The following EIF3J variants were observed in gnomAD, a reference collection of about 807,000 sequenced individuals.
EIF3J encodes the protein eukaryotic translation initiation factor 3, subunit 1 (alpha, 35kD).
A neutral mutation model predicts 39.0 loss-of-function variants in EIF3J; 15 were observed. The observed-to-expected ratio is 0.38, with a 90% CI of 0.26 to 0.59. The LOEUF is 0.59. EIF3J is among the 20% of genes least tolerant of loss of function. The probability of loss-of-function intolerance (pLI) is 0.60; values close to 1 mark genes in which losing one functional copy is unlikely to be tolerated. For synonymous variants in EIF3J, 98 were observed against 112.9 expected, an observed-to-expected ratio of 0.87 and a Z score of 0.84; for missense variants, 226 against 308.6, an observed-to-expected ratio of 0.73 and a Z score of 2.00.
chr15:44,541,357 T>G (rs1284511208), intron 2 of EIF3J, among the ~76,000 whole-genome samples: 2 of 152,226 alleles, frequency 1.3e-5, no homozygotes, highest in African/African-American at 4.8e-5. Context: ...GTACAGAGTT[T>G]GCAGAAACTT....
intron 6 of EIF3J, 33 bp from the exon 7 acceptor site, chr15:44,560,216 T>C: frequency 6.4e-7 from 1 of 1,573,860 alleles, no homozygotes; most frequent in Non-Finnish European, 8.6e-7. Context: ...GCTTAAAAAT[T>C]CAAGTTTAAT....
At chr15:44,538,642 C>T (rs1202903389) in intron 2 of EIF3J, among the ~76,000 whole-genome samples, 1 of 152,188 alleles carries the variant, frequency 6.6e-6, no homozygotes. Context: ...GTGAGCTTTG[C>T]ACACATTGAA....
rs543262340 is a variant in EIF3J at position 44,557,773 on chromosome 15, T to C, written c.571+123T>C. 31 of 657,020 alleles carry C rather than the reference T, an allele frequency of 4.7e-5. No individual in the cohort carries two copies. The South Asian group carries it at 1.5e-3, about 32-fold the overall frequency. 40.7% of individuals were successfully genotyped at this position (657,020 alleles called of 1,614,324 possible). The stretch of plus-strand genomic sequence containing the variant: ...ATACAGACTCATGATTTGCTGTTTT[T>C]AGCAATTACCTTGTGAATGTTGTTC... On this transcript the variant is annotated intron_variant, in intron 6 of 7. Transcript: ENST00000261868.
chr15:44,556,238 C>T (rs2082143365), intron 5 of EIF3J, among the ~76,000 whole-genome samples: 2 of 152,332 alleles, frequency 1.3e-5, no homozygotes, highest in African/African-American at 4.8e-5. Flanking sequence ...CAAATACTTT[C>T]ACAGGATCCA....
At chr15:44,543,239 C>G (rs970654076) in intron 2 of EIF3J, among the ~76,000 whole-genome samples, 2 of 152,116 alleles carry the variant, frequency 1.3e-5, no homozygotes, top group South Asian at 4.1e-4. Context: ...TGACCAGTCT[C>G]TTTTTGCTGA....
chr15:44,557,335 G>C (rs1302715270), intron 5 of EIF3J, among the ~76,000 whole-genome samples, 154 bp from the exon 6 acceptor site: 1 of 151,886 alleles, frequency 6.6e-6, no homozygotes, highest in Non-Finnish European at 1.5e-5. Context: ...CCCTCACCCA[G>C]CCATTCTATC....
In EIF3J at chr15:44,551,241, T is replaced by C. The variant is rs148023829; in HGVS notation, c.203-190T>C. ...GACGGTGGGGAAATATGAAGAGATA[T>C]TTGGATCTTAGGGGTCACATTAGAG... is the stretch of plus-strand genomic sequence containing the variant. On this transcript the variant is annotated intron_variant, in intron 3 of 7. Transcript: ENST00000261868. Among the ~76,000 whole-genome samples, 82 of 152,210 alleles carry C rather than the reference T, an allele frequency of 5.4e-4. 1 individual carries two copies. The highest frequency in any genetic ancestry group is 1.9e-3 in the African/African-American group (77 of 41,540).
At chr15:44,548,460 G>A (rs2082071879) in intron 2 of EIF3J, among the ~76,000 whole-genome samples, 1 of 152,174 alleles carries the variant, frequency 6.6e-6, no homozygotes, top group Non-Finnish European at 1.5e-5. Flanking sequence ...GTTATATGGA[G>A]AGACAGTAGA....
At chr15:44,550,599 T>A (rs1456798789) in intron 2 of EIF3J, 1 of 235,126 alleles carries the variant, frequency 4.3e-6, no homozygotes, top group Non-Finnish European at 8.2e-6. Context: ...TAGGAATAAA[T>A]CTAAAGAGAA....
chr15:44,547,331 CG>C (rs1426401494), intron 2 of EIF3J, among the ~76,000 whole-genome samples: 1 of 148,944 alleles, frequency 6.7e-6, no homozygotes, highest in East Asian at 2.0e-4. Context: ...TTAGTAGAGA[CG>C]GGGTTTCTCC....
intron 2 of EIF3J, among the ~76,000 whole-genome samples, chr15:44,537,736 C>G (rs1334530901): frequency 6.6e-6 from 1 of 152,216 alleles, no homozygotes; most frequent in Non-Finnish European, 1.5e-5. Context: ...CGGAGCCTCT[C>G]GCAGGAATGA....
chr15:44,561,291 C>T lies in EIF3J; in HGVS notation c.*142C>T. ...GTGCTGGTTATTTAACCCCTTGACACTTAGGTGCTAATGTGCAAATGAGGG... is the reference window on the plus strand; with the variant it reads ...GTGCTGGTTATTTAACCCCTTGACATTTAGGTGCTAATGTGCAAATGAGGG... On this transcript the variant is annotated 3_prime_UTR_variant, in exon 8 of 8. Transcript: ENST00000261868. The T allele has an allele frequency of 1.0e-6, 1 of 1,000,706 alleles. No individual in the cohort carries two copies. The highest frequency in any genetic ancestry group is 1.4e-6 in the Non-Finnish European group (1 of 710,742). The allele number at this position is 1,000,706 out of a possible 1,614,324, so 62.0% of individuals were successfully genotyped here.
At chr15:44,546,637 C>T (rs2251889) in intron 2 of EIF3J, among the ~76,000 whole-genome samples, 150,650 of 152,100 alleles carry the variant, frequency 0.99, 74,621 homozygotes, top group Middle Eastern at 1. Context: ...TGCCTGGTGG[C>T]TGCTGAGACA....
intron 5 of EIF3J, among the ~76,000 whole-genome samples, chr15:44,556,396 C>T (rs1464967782): frequency 6.6e-6 from 1 of 152,046 alleles, no homozygotes; most frequent in African/African-American, 2.4e-5. Flanking sequence ...GTCTGGAATG[C>T]AGTGGCATGA....
At chr15:44,547,701 G>T (rs2082066364) in intron 2 of EIF3J, among the ~76,000 whole-genome samples, 1 of 151,948 alleles carries the variant, frequency 6.6e-6, no homozygotes, top group Non-Finnish European at 1.5e-5. Context: ...GCCCACCTCA[G>T]CCTCCCAAAG....
chr15:44,560,551 A>T, intron 7 of EIF3J: 1 of 505,408 alleles, frequency 2.0e-6, no homozygotes, highest in Middle Eastern at 5.3e-4. Context: ...ACTGGGTTCA[A>T]ATACTAGCAC....
chr15:44,558,276 C>T (rs1285626732), intron 6 of EIF3J, among the ~76,000 whole-genome samples: 1 of 152,136 alleles, frequency 6.6e-6, no homozygotes, highest in Non-Finnish European at 1.5e-5. Context: ...GAGGCACGAT[C>T]TCAGCTCACT....
intron 2 of EIF3J, among the ~76,000 whole-genome samples, chr15:44,547,042 C>T (rs969898029): frequency 2.0e-5 from 3 of 151,286 alleles, no homozygotes; most frequent in Admixed American, 1.3e-4. Context: ...AGGCTGGTCT[C>T]GGAACTCCTG....
Position 44,551,494 on chromosome 15 carries a change from A to G in EIF3J, c.266A>G (p.Lys89Arg), listed in dbSNP as rs1362308130. Residue 89 changes from lysine to arginine, a missense_variant, in exon 4 of 8, where the codon AAG (lysine) becomes AGG (arginine). Physicochemically the swap from Lys to Arg is conservative, Grantham distance 26. This residue lies in a region of EIF3J where 143 missense variants were observed against 156.0 expected (regional missense o/e 0.92). Transcript: ENST00000261868. ...EKIKEKERQQ[K>R]KRQEEIKKRL... ...ATAAAAGAGAAAGAACGGCAACAGAAGAAAAGGCAAGAAGAAATTAAAAAG... is the reference window on the plus strand; with the variant it reads ...ATAAAAGAGAAAGAACGGCAACAGAGGAAAAGGCAAGAAGAAATTAAAAAG... 6 of 1,592,284 alleles carry G rather than the reference A, an allele frequency of 3.8e-6. No homozygotes were observed. Among genetic ancestry groups the G allele is most frequent in the Non-Finnish European group, 5.1e-6 (6 of 1,172,424 alleles).
Sources: gnomAD v4.1 joint callset for allele counts (sites outside exome capture counted in the v4.1 genomes callset) on GRCh38, gnomAD v4.1.1 for gene constraint, gnomAD v4.1.1 regional missense constraint, MANE v1.5 for transcripts, NCBI Gene and HGNC (gene_info 2026-07-23, HGNC 2026-07-21) for gene names.